Variants in JMJD6 observed in about 807,000 individuals in gnomAD.
JMJD6 encodes the protein bifunctional arginine demethylase and lysyl-hydroxylase JMJD6.
JMJD6 carries 17 observed loss-of-function variants against 45.8 expected under a neutral mutation model. The observed-to-expected ratio is 0.37, with a 90% CI of 0.25 to 0.56. The LOEUF (loss-of-function observed/expected upper bound fraction) is 0.56. Among genes scored for constraint, JMJD6 ranks in the 20% least tolerant of loss-of-function variants. The pLI, the probability that JMJD6 is intolerant of heterozygous loss-of-function variation, is 0.79. For synonymous variants in JMJD6, 221 were observed against 196.3 expected (o/e 1.13, Z -1.05); for missense variants, 470 against 517.5 (o/e 0.91, Z 0.89).
rs1189457576 is a variant in JMJD6, at chr17:76,726,571, G to GT, written c.-97dup. The stretch of plus-strand genomic sequence containing the variant: ...CCCGGCCTGGGCGGCGGCGACGGCA[G>GT]TACCCAAACGCCCTTCGCTCAGTCC... On this transcript the variant is annotated 5_prime_UTR_variant, in exon 1 of 6. Coordinates refer to ENST00000397625, the MANE Select transcript of JMJD6 (RefSeq NM_015167.3). 15 of 1,447,944 alleles carry GT rather than the reference G, an allele frequency of 1.0e-5. No individual in the cohort carries two copies. The African/African-American group carries it at 2.1e-4, about 20-fold the overall frequency. The allele number at this position is 1,447,944 out of a possible 1,614,324, so 89.7% of individuals were successfully genotyped here.
Position 76,721,930 on chromosome 17 carries a change from C to T in JMJD6, c.809G>A (p.Gly270Asp). The change falls in exon 4 of 6, where the codon GGC becomes GAC. Residue 270 changes from glycine (G) to aspartate (D), a missense_variant. Physicochemically the swap from Gly to Asp is moderately conservative, Grantham distance 94 (BLOSUM62 -1). This residue lies in a region of JMJD6 where 58 missense variants were observed against 103.9 expected (regional missense o/e 0.56). Transcript: ENST00000397625. ...GAGATTGAGGACAACATGCCACCAGCCTCCTGAAATCCAACAAATAAACAG... is the reference window on the plus strand; with the variant it reads ...GAGATTGAGGACAACATGCCACCAGTCTCCTGAAATCCAACAAATAAACAG... The part of the protein sequence containing the change: ...KPGETVFVPG[G>D]WWHVVLNLDT... 4 of 1,614,040 alleles carry T rather than the reference C, an allele frequency of 2.5e-6. No homozygotes were observed. Among genetic ancestry groups the T allele is most frequent in the Non-Finnish European group, 8.5e-7 (1 of 1,179,980 alleles).
At chr17:76,714,285 AATCCAAG>A (rs2076749219), downstream of JMJD6, 2 of 152,246 alleles carry the variant, frequency 1.3e-5, no homozygotes, top group South Asian at 4.1e-4. Context: ...AGAAGTTAAT[AATCCAAG>A]ATCCCTTCTT....
downstream of JMJD6, among the ~76,000 whole-genome samples, chr17:76,717,882 T>G (rs893102273): frequency 1.3e-5 from 2 of 151,900 alleles, no homozygotes; most frequent in Admixed American, 1.3e-4. Flanking sequence ...TCCCAGCTAC[T>G]CGGGAGGCTG....
intron 5 of JMJD6, 57 bp downstream of exon 5, chr17:76,720,303 G>C: frequency 6.5e-7 from 1 of 1,536,572 alleles, no homozygotes; most frequent in Middle Eastern, 1.9e-4. Flanking sequence ...ACCTGGTTAT[G>C]ACTGAGTTAC....
chr17:76,720,637 G>A (rs1252819564), intron 4 of JMJD6, 139 bp from the exon 5 acceptor site: 1 of 761,558 alleles, frequency 1.3e-6, no homozygotes, highest in Non-Finnish European at 2.2e-6. Context: ...ACTGTACAAT[G>A]GTGAGGACAA....
In JMJD6 at chr17:76,725,852, T is replaced by A; in HGVS notation, c.133A>T (p.Asn45Tyr). ...TGTAAAGCATCTGCCCTTTCCACGT[T>A]ATCCTGAGGGAATTAAAAAAGACCT... is the stretch of plus-strand genomic sequence containing the variant. ...FSLSPAAVAD[N>Y]VERADALQLS... The change falls in exon 2 of 6, where the codon AAC (asparagine) becomes TAC (tyrosine). Residue 45 changes from asparagine (N) to tyrosine (Y), a missense_variant. This residue lies in a region of JMJD6 where 346 missense variants were observed against 339.5 expected (regional missense o/e 1.02). Coordinates refer to ENST00000397625, the MANE Select transcript of JMJD6 (RefSeq NM_015167.3). The A allele has an allele frequency of 6.3e-7, 1 of 1,592,792 alleles. No homozygotes were observed. Among genetic ancestry groups the A allele is most frequent in the Non-Finnish European group, 8.5e-7 (1 of 1,173,666 alleles).
At chr17:76,722,249 T>A (rs2076834806) in intron 3 of JMJD6, among the ~76,000 whole-genome samples, 1 of 152,220 alleles carries the variant, frequency 6.6e-6, no homozygotes, top group Non-Finnish European at 1.5e-5. Context: ...AAAGTTTGTT[T>A]ACTCCTGTTA....
chr17:76,725,183 C>T (rs768463403), intron 2 of JMJD6, among the ~76,000 whole-genome samples: 1 of 152,126 alleles, frequency 6.6e-6, no homozygotes, highest in Non-Finnish European at 1.5e-5. Context: ...CCGAGGCGGG[C>T]AGATCACCTG....
At chr17:76,725,324 T>C in intron 2 of JMJD6, 143 bp downstream of exon 2, 5 of 745,310 alleles carry the variant, frequency 6.7e-6, no homozygotes, top group Non-Finnish European at 1.0e-5. Flanking sequence ...GAGAAGCGCT[T>C]GAACTCGGGA....
exon 7 of JMJD6, chr17:76,712,971 C>T (rs1389057546): frequency 1.3e-5 from 2 of 152,236 alleles, no homozygotes; most frequent in Non-Finnish European, 2.9e-5. Context: ...TAGGAGACTG[C>T]TCAGTGTTCT....
downstream of JMJD6, chr17:76,716,835 C>T (rs1157403759): frequency 1.0e-6 from 1 of 997,304 alleles, no homozygotes; most frequent in Non-Finnish European, 1.6e-6. Flanking sequence ...GAAGTCATGG[C>T]AGGGCTTTCT....
intron 4 of JMJD6, 36 bp from the exon 5 acceptor site, chr17:76,720,534 CA>C (rs756672796): frequency 6.2e-7 from 1 of 1,606,392 alleles, no homozygotes; most frequent in Admixed American, 1.7e-5. Context: ...AGTGCACTGA[CA>C]GCCATACCCA....
intron 2 of JMJD6, 113 bp downstream of exon 2, chr17:76,725,354 C>G: frequency 9.7e-7 from 1 of 1,032,942 alleles, no homozygotes; most frequent in Non-Finnish European, 1.3e-6. Flanking sequence ...TGCTGTGAGC[C>G]GAGATCGCAC....
chr17:76,715,115 A>T (rs2076755031), downstream of JMJD6: 1 of 152,270 alleles, frequency 6.6e-6, no homozygotes, highest in Admixed American at 6.5e-5. Flanking sequence ...GGTAAGGAAA[A>T]AGGGCAAGCG....
chr17:76,726,445 C>G lies in JMJD6; in HGVS notation c.31G>C (p.Glu11Gln), dbSNP rs1325653364. 1 of 1,603,022 alleles carries G rather than the reference C, an allele frequency of 6.2e-7. No homozygotes were observed. Among genetic ancestry groups the G allele is most frequent in the Non-Finnish European group, 8.5e-7 (1 of 1,175,812 alleles). The change falls in exon 1 of 6, where the codon GAG (glutamate) becomes CAG (glutamine). Residue 11 changes from glutamate to glutamine, a missense_variant. Physicochemically the swap from Glu to Gln is conservative, Grantham distance 29. This residue lies in a region of JMJD6 where 346 missense variants were observed against 339.5 expected (regional missense o/e 1.02). Coordinates refer to ENST00000397625, the MANE Select transcript of JMJD6 (RefSeq NM_015167.3). ...TCCGGCCGCGCACTCCGCTTGGCCT[C>G]GCGGATGCGCTTCTTGCTCTTGTGG... is the stretch of plus-strand genomic sequence containing the variant. MNHKSKKRIR[E>Q]AKRSARPELK...
chr17:76,717,231 A>G (rs1473215078), downstream of JMJD6, among the ~76,000 whole-genome samples: 2 of 152,226 alleles, frequency 1.3e-5, no homozygotes, highest in Non-Finnish European at 1.5e-5. Context: ...TATATATTTT[A>G]AAGACAGGGT....
Position 76,721,842 on chromosome 17 carries a change from G to A in JMJD6, c.897C>T (p.His299=). The change falls in exon 4 of 6, where the codon CAC becomes CAT. Residue 299 remains histidine (H), a synonymous_variant. Coordinates refer to ENST00000397625, the MANE Select transcript of JMJD6 (RefSeq NM_015167.3). ...ASSTNFPVVW[H]KTVRGRPKLS... is the part of the protein sequence containing the mutation. ...ACTTTGGTCTCCCTCTTACCGTCTT[G>A]TGCCATACCACAGGGAAGTTGGTGC... 6.2e-7 allele frequency: 1 copy of A among 1,614,138 alleles called. No homozygotes were observed. Among genetic ancestry groups the A allele is most frequent in the Non-Finnish European group, 8.5e-7 (1 of 1,179,980 alleles).
downstream of JMJD6, among the ~76,000 whole-genome samples, chr17:76,717,322 A>G (rs909201483): frequency 1.3e-5 from 2 of 152,208 alleles, no homozygotes; most frequent in African/African-American, 2.4e-5. Flanking sequence ...TGCTGGGATT[A>G]CAGGCTTGAG....
At chr17:76,715,279 C>A (rs2143713712), downstream of JMJD6, 1 of 152,334 alleles carries the variant, frequency 6.6e-6, no homozygotes, top group East Asian at 1.9e-4. Flanking sequence ...CCAAACACAT[C>A]CTGTGCCCAC....
Sources: allele counts gnomAD v4.1 joint callset (sites outside exome capture counted in the v4.1 genomes callset), GRCh38; gene constraint gnomAD v4.1.1; regional missense constraint gnomAD v4.1.1; transcripts MANE v1.5; gene names NCBI Gene and HGNC (gene_info 2026-07-23, HGNC 2026-07-21).